Variants in SORCS3 observed in about 807,000 individuals in gnomAD.
SORCS3 encodes the protein VPS10 domain-containing receptor SorCS3.
A neutral mutation model predicts 146.3 loss-of-function variants in SORCS3; 57 were observed. The observed-to-expected ratio is 0.39, with a 90% confidence interval of 0.31 to 0.49. The LOEUF (loss-of-function observed/expected upper bound fraction) is 0.49. Ranked by LOEUF, SORCS3 falls within the 20% of genes least tolerant of loss-of-function variation. The probability of loss-of-function intolerance (pLI) is 0.92; values close to 1 mark genes in which losing one functional copy is unlikely to be tolerated. For missense variants in SORCS3, 1,341 were observed against 1,575.5 expected, an observed-to-expected ratio of 0.85 and a Z score of 2.52; for synonymous variants, 653 against 618.5, an observed-to-expected ratio of 1.06 and a Z score of -0.83.
chr10:105,192,709 T>C (rs971598042), intron 14 of SORCS3, among the ~76,000 whole-genome samples: 3 of 152,206 alleles, frequency 2.0e-5, no homozygotes, highest in Non-Finnish European at 4.4e-5. Flanking sequence ...CCCAAAGCAC[T>C]GTTTGTTCTT....
At chr10:105,005,364 CAT>C (rs1337616952) in intron 4 of SORCS3, among the ~76,000 whole-genome samples, 1 of 152,080 alleles carries the variant, frequency 6.6e-6, no homozygotes, top group Non-Finnish European at 1.5e-5. Context: ...TCATTACAGA[CAT>C]ATATGCATAG....
chr10:105,260,185 C>T (rs1245139391), intron 25 of SORCS3, among the ~76,000 whole-genome samples: 1 of 152,034 alleles, frequency 6.6e-6, no homozygotes, highest in Non-Finnish European at 1.5e-5. Flanking sequence ...CAAGTTTATC[C>T]AAATCCTCAT....
chr10:104,845,373 C>A (rs538240710), intron 2 of SORCS3, among the ~76,000 whole-genome samples: 138 of 152,304 alleles, frequency 9.1e-4, no homozygotes, highest in Non-Finnish European at 1.0e-3. Context: ...ATTTGGCACA[C>A]AAGAGGTGCT....
At chr10:104,717,689 A>G (rs553512870) in intron 1 of SORCS3, among the ~76,000 whole-genome samples, 1 of 152,334 alleles carries the variant, frequency 6.6e-6, no homozygotes, top group East Asian at 1.9e-4. Context: ...CAAGGAAAAC[A>G]ATTACAGCAG....
chr10:105,056,388 A>G (rs1415071562), intron 5 of SORCS3, among the ~76,000 whole-genome samples: 2 of 152,156 alleles, frequency 1.3e-5, no homozygotes, highest in East Asian at 3.9e-4. Flanking sequence ...CCTCACTCCC[A>G]GCAACTCTGT....
rs780503878 is a variant in SORCS3, at chr10:105,252,764, C to T, written c.3106-11C>T. The T allele has an allele frequency of 6.8e-6, 11 of 1,613,764 alleles. No homozygotes were observed. Among genetic ancestry groups the T allele is most frequent in the Admixed American group, 5.0e-5 (3 of 59,978 alleles). Reference sequence around the variant, plus strand: ...CCTCCACAGCCTCTCTTTGTCTGAACATCTTTGCAGGTAACCAGTGTCCCA... The same window carrying T: ...CCTCCACAGCCTCTCTTTGTCTGAATATCTTTGCAGGTAACCAGTGTCCCA... On this transcript the variant is annotated splice_polypyrimidine_tract_variant and intron_variant, in intron 22 of 26. Coordinates refer to ENST00000369701, the MANE Select transcript of SORCS3 (RefSeq NM_014978.3).
At chr10:104,648,689 A>G (rs1444379581) in intron 1 of SORCS3, among the ~76,000 whole-genome samples, 4 of 152,226 alleles carry the variant, frequency 2.6e-5, no homozygotes, top group Admixed American at 6.5e-5. Context: ...GCCTGGTTAC[A>G]TCACAACCAG....
At chr10:104,954,467 C>G (rs991870314) in intron 3 of SORCS3, among the ~76,000 whole-genome samples, 1 of 152,112 alleles carries the variant, frequency 6.6e-6, no homozygotes, top group African/African-American at 2.4e-5. Context: ...TGCCTGTATA[C>G]CAACTTTTTA....
At chr10:104,826,534 C>G (rs1437888456) in intron 1 of SORCS3, among the ~76,000 whole-genome samples, 3 of 152,128 alleles carry the variant, frequency 2.0e-5, no homozygotes, top group African/African-American at 7.2e-5. Flanking sequence ...TAAGTAGCAT[C>G]ATGTCTAAAA....
chr10:105,200,424 A>G (rs2056567993), intron 15 of SORCS3, among the ~76,000 whole-genome samples: 1 of 152,114 alleles, frequency 6.6e-6, no homozygotes, highest in Non-Finnish European at 1.5e-5. Flanking sequence ...TTACAGCTAG[A>G]AGGCCTCCAA....
chr10:104,693,843 A>T (rs758812230), intron 1 of SORCS3, among the ~76,000 whole-genome samples: 24 of 152,086 alleles, frequency 1.6e-4, no homozygotes, highest in Non-Finnish European at 3.2e-4. Context: ...CTCTTCCCCC[A>T]TGTGCCAAAA....
At position 104,868,384 on chromosome 10, in the gene SORCS3, A is replaced by G. The variant is rs534203435; in HGVS notation, c.695+25525A>G. ...TGCTGTTTCTAATGTGGTCTATAAGACAGCTTCCCTGACAGAATCTCACAC... is the reference window on the plus strand; with the variant it reads ...TGCTGTTTCTAATGTGGTCTATAAGGCAGCTTCCCTGACAGAATCTCACAC... On this transcript the variant is annotated intron_variant, in intron 2 of 26. Transcript: ENST00000369701. Among the ~76,000 whole-genome samples, 6 of 152,334 alleles carry G rather than the reference A, an allele frequency of 3.9e-5. No individual in the cohort carries two copies. In the East Asian group the frequency reaches 9.7e-4, roughly 25 times the overall value.
chr10:104,771,400 T>C (rs1012190932), intron 1 of SORCS3, among the ~76,000 whole-genome samples: 10 of 152,198 alleles, frequency 6.6e-5, no homozygotes, highest in Non-Finnish European at 7.4e-5. Context: ...AGGTGGCTCA[T>C]GGAATCTCTG....
intron 5 of SORCS3, among the ~76,000 whole-genome samples, chr10:105,087,497 A>AAAG (rs1554876107): frequency 4.6e-5 from 7 of 151,846 alleles, no homozygotes; most frequent in Admixed American, 2.0e-4. Context: ...GAAAAAAAAA[A>AAAG]AAAGAAAGAA....
chr10:105,176,835 C>T (rs959940989), intron 13 of SORCS3, among the ~76,000 whole-genome samples: 3 of 151,334 alleles, frequency 2.0e-5, no homozygotes, highest in East Asian at 3.9e-4. Context: ...AGCCTGGCAA[C>T]GGAGTGAGAC....
At chr10:104,869,452 A>C (rs1053843585) in intron 2 of SORCS3, among the ~76,000 whole-genome samples, 1 of 152,210 alleles carries the variant, frequency 6.6e-6, no homozygotes, top group Non-Finnish European at 1.5e-5. Context: ...GAAGAGGGCC[A>C]TGTGCCTGAC....
rs370705632 is a variant in SORCS3, at chr10:105,023,792, C to A, written c.955-19263C>A. Among the ~76,000 whole-genome samples the A allele has an allele frequency of 4.0e-5, 6 of 151,766 alleles. No homozygotes were observed. The East Asian group carries it at 1.2e-3, about 29-fold the overall frequency. On this transcript the variant is annotated intron_variant, in intron 4 of 26. Transcript: ENST00000369701. The stretch of plus-strand genomic sequence containing the variant: ...GGGGTGTTGCAAAATCAGTCCAAGG[C>A]GTCTCTGTGGTTGCTGAGCAATGCA...
Position 104,983,965 on chromosome 10 carries a change from T to G in SORCS3, c.954+6472T>G, listed in dbSNP as rs537157238. 2.6e-5 allele frequency among the ~76,000 whole-genome samples: 4 copies of G among 152,228 alleles called. No individual in the cohort carries two copies. In the South Asian group the frequency reaches 8.3e-4, roughly 32 times the overall value. ...TACATCTCATGAGTCTGATGAATTT[T>G]CATTAACTGAATACACTCATGAAAC... On this transcript the variant is annotated intron_variant, in intron 4 of 26. Transcript: ENST00000369701.
intron 20 of SORCS3, among the ~76,000 whole-genome samples, chr10:105,230,039 G>C (rs2056757766): frequency 6.6e-6 from 1 of 152,150 alleles, no homozygotes; most frequent in South Asian, 2.1e-4. Context: ...AATACAGATG[G>C]GTGCCAGCTC....
Sources: allele counts gnomAD v4.1 joint callset (sites outside exome capture counted in the v4.1 genomes callset), GRCh38; gene constraint gnomAD v4.1.1; transcripts MANE v1.5; gene names NCBI Gene and HGNC (gene_info 2026-07-23, HGNC 2026-07-21).